PRKCA: variants seen among roughly 807,000 people sequenced by gnomAD.
PRKCA encodes the protein protein kinase C alpha type.
Under a neutral mutation model 87.0 loss-of-function variants are expected in PRKCA, and 27 were observed. The ratio of observed to expected loss-of-function variants is 0.31; its 90% CI spans 0.23 to 0.43. The LOEUF (loss-of-function observed/expected upper bound fraction) is 0.43, where lower values mean the gene tolerates loss of function less well. PRKCA is among the 20% of genes least tolerant of loss of function. The pLI, the probability that PRKCA is intolerant of heterozygous loss-of-function variation, is 1.00. For synonymous variants in PRKCA, 329 were observed against 311.1 expected (o/e 1.06, Z -0.61); for missense variants, 518 against 852.3 (o/e 0.61, Z 4.88).
chr17:66,489,557 C>T (rs1916142101), intron 2 of PRKCA, among the ~76,000 whole-genome samples: 1 of 151,636 alleles, frequency 6.6e-6, no homozygotes, highest in Admixed American at 6.6e-5. Flanking sequence ...CAACTATGTG[C>T]TCAAGCGAGC....
intron 2 of PRKCA, among the ~76,000 whole-genome samples, chr17:66,315,557 G>A (rs1189030686): frequency 6.7e-6 from 1 of 150,174 alleles, no homozygotes; most frequent in Non-Finnish European, 1.5e-5. Flanking sequence ...TCAACTCACT[G>A]CAACCTCCGT....
intron 3 of PRKCA, among the ~76,000 whole-genome samples, chr17:66,554,060 A>T (rs1308457493): frequency 6.6e-6 from 1 of 152,194 alleles, no homozygotes; most frequent in Non-Finnish European, 1.5e-5. Context: ...TGGGCACCAG[A>T]CATTGGCATG....
At position 66,756,664 on chromosome 17, in the gene PRKCA, G is replaced by GT. The variant is rs558791618; in HGVS notation, c.1524+13913dup. ...AGGAGTTTTGTTTTTTGGTTTTTGG[G>GT]TTTTTTTTTGTTTTGGAGATGGAGT... On this transcript the variant is annotated intron_variant, in intron 13 of 16. Coordinates refer to ENST00000413366, the MANE Select transcript of PRKCA (RefSeq NM_002737.3). 1.7e-3 allele frequency among the ~76,000 whole-genome samples: 261 copies of GT among 151,448 alleles called. 2 individuals are homozygous for GT. The highest frequency in any genetic ancestry group is 5.1e-3 in the African/African-American group (211 of 41,330).
chr17:66,605,104 G>T (rs1241197661), intron 3 of PRKCA, among the ~76,000 whole-genome samples: 2 of 152,168 alleles, frequency 1.3e-5, no homozygotes, highest in Non-Finnish European at 2.9e-5. Flanking sequence ...GGGGTTTCAT[G>T]TACACACGTG....
intron 2 of PRKCA, among the ~76,000 whole-genome samples, chr17:66,362,953 C>T (rs576652929): frequency 2.6e-5 from 4 of 152,288 alleles, no homozygotes; most frequent in South Asian, 4.1e-4. Flanking sequence ...CTCAGCCTCC[C>T]GAAGTGTTGA....
In PRKCA at chr17:66,803,575, G is replaced by C. The variant is rs1032933184; in HGVS notation, c.1855-298G>C. Among the ~76,000 whole-genome samples the C allele has an allele frequency of 6.6e-6, 1 of 152,164 alleles. No individual in the cohort carries two copies. Among genetic ancestry groups the C allele is most frequent in the African/African-American group, 2.4e-5 (1 of 41,450 alleles). Reference sequence around the variant, plus strand: ...TCCGTGCTCTCAGCTCCGCTTGCTCGGTGAGGTGGACGTGAGGGGACAGGG... The same window carrying C: ...TCCGTGCTCTCAGCTCCGCTTGCTCCGTGAGGTGGACGTGAGGGGACAGGG... On this transcript the variant is annotated intron_variant, in intron 16 of 16. Coordinates refer to ENST00000413366, the MANE Select transcript of PRKCA (RefSeq NM_002737.3). This position sits in a 1 kb window ranked among gnomAD's most constrained non-coding sequence, Gnocchi z 4.4.
intron 1 of PRKCA, 134 bp from the exon 2 acceptor site, chr17:66,305,962 G>C (rs1904792555): frequency 1.2e-6 from 1 of 826,618 alleles, no homozygotes; most frequent in Admixed American, 2.3e-5. Flanking sequence ...ATTTAGGTAT[G>C]TTTTTTTCTA....
chr17:66,718,581 A>C (rs1333449570), intron 8 of PRKCA, among the ~76,000 whole-genome samples: 1 of 152,148 alleles, frequency 6.6e-6, no homozygotes, highest in Non-Finnish European at 1.5e-5. Flanking sequence ...GCCTTTCAAA[A>C]ATGCTGGGAT....
intron 3 of PRKCA, among the ~76,000 whole-genome samples, chr17:66,544,967 T>G (rs1425119371): frequency 1.3e-5 from 2 of 152,210 alleles, no homozygotes; most frequent in Non-Finnish European, 2.9e-5. Context: ...TTTTCTCTAT[T>G]TTACAGATCA....
chr17:66,513,524 A>T (rs1291849363), intron 3 of PRKCA, among the ~76,000 whole-genome samples: 2 of 152,252 alleles, frequency 1.3e-5, no homozygotes, highest in East Asian at 3.8e-4. Context: ...AGTGAAGTAG[A>T]TGTTGAATTT....
chr17:66,389,744 C>G (rs1049014737), intron 2 of PRKCA, among the ~76,000 whole-genome samples: 5 of 152,176 alleles, frequency 3.3e-5, no homozygotes, highest in African/African-American at 1.2e-4. Flanking sequence ...CCATGCTGAT[C>G]AAGTTCATCT....
intron 2 of PRKCA, among the ~76,000 whole-genome samples, chr17:66,436,205 A>C (rs901531568): frequency 6.6e-6 from 1 of 152,194 alleles, no homozygotes; most frequent in Non-Finnish European, 1.5e-5. Flanking sequence ...TTGATGTTGA[A>C]TGAAAATCTT....
intron 2 of PRKCA, among the ~76,000 whole-genome samples, chr17:66,413,932 T>A (rs1256505695): frequency 6.6e-6 from 1 of 151,332 alleles, no homozygotes; most frequent in Non-Finnish European, 1.5e-5. Flanking sequence ...GAGAATCGCT[T>A]GAACCAGGAG....
chr17:66,768,262 G>GC (rs1555647117), intron 13 of PRKCA, among the ~76,000 whole-genome samples: 6 of 77,742 alleles, frequency 7.7e-5, no homozygotes, highest in African/African-American at 2.2e-4. Flanking sequence ...TTTTTTTTTT[G>GC]GGGGGGAGAG....
chr17:66,378,830 G>A (rs1263230258), intron 2 of PRKCA, among the ~76,000 whole-genome samples: 1 of 151,678 alleles, frequency 6.6e-6, no homozygotes, highest in Non-Finnish European at 1.5e-5. Flanking sequence ...GAACTCAGGA[G>A]GCAGAGGTTG....
At chr17:66,436,191 G>T (rs541837982) in intron 2 of PRKCA, among the ~76,000 whole-genome samples, 1 of 152,276 alleles carries the variant, frequency 6.6e-6, no homozygotes, top group African/African-American at 2.4e-5. Flanking sequence ...GAGGTTGGAT[G>T]GCATTGATGT....
rs1219443865 is a variant in PRKCA at position 66,653,540 on chromosome 17, A to G, written c.529+8029A>G. 2.6e-5 allele frequency among the ~76,000 whole-genome samples: 4 copies of G among 152,214 alleles called. No homozygotes were observed. The East Asian group carries it at 5.8e-4, about 22-fold the overall frequency. ...CAGGAGTTCGAGGTAACAGGGATCT[A>G]TGATGGCGCCACTGCATGCCAGCCT... On this transcript the variant is annotated intron_variant, in intron 5 of 16. Coordinates refer to ENST00000413366, the MANE Select transcript of PRKCA (RefSeq NM_002737.3).
intron 2 of PRKCA, among the ~76,000 whole-genome samples, chr17:66,453,043 G>A (rs1473408923): frequency 1.3e-5 from 2 of 152,208 alleles, no homozygotes; most frequent in African/African-American, 4.8e-5. Flanking sequence ...AGTCCTGCCT[G>A]GAAGGCCAAG....
chr17:66,500,915 C>T (rs1295992472), intron 3 of PRKCA, among the ~76,000 whole-genome samples: 2 of 152,040 alleles, frequency 1.3e-5, no homozygotes. Flanking sequence ...AAAAAAACTG[C>T]CCTAAGCATT....
Sources: gnomAD v4.1 joint callset for allele counts (sites outside exome capture counted in the v4.1 genomes callset) on GRCh38, gnomAD v4.1.1 for gene constraint, Gnocchi (gnomAD v3.1) non-coding constraint, MANE v1.5 for transcripts, NCBI Gene and HGNC (gene_info 2026-07-23, HGNC 2026-07-21) for gene names.